The following SPTB variants were observed in gnomAD, a reference collection of about 807,000 sequenced individuals.
The protein encoded by SPTB is spectrin beta chain, erythrocytic.
SPTB carries 45 observed loss-of-function variants against 256.2 expected under a neutral mutation model. That is an observed-to-expected ratio of 0.18 (90% CI 0.14 to 0.23). SPTB has a LOEUF of 0.23. Among genes scored for constraint, SPTB ranks in the 10% least tolerant of loss-of-function variants. The probability of loss-of-function intolerance (pLI) is 1.00; values close to 1 mark genes in which losing one functional copy is unlikely to be tolerated. For synonymous variants in SPTB, 1,231 were observed against 1,243.1 expected, an observed-to-expected ratio of 0.99 and a Z score of 0.21; for missense variants, 2,715 against 3,040.4, an observed-to-expected ratio of 0.89 and a Z score of 2.52.
Position 64,847,227 on chromosome 14 carries a change from G to A in SPTB, c.-51-24082C>T, listed in dbSNP as rs531595036. On this transcript the variant is annotated intron_variant, in intron 1 of 35. Transcript: ENST00000644917. The surrounding 1 kb of genome is among the most constrained non-coding windows in gnomAD (Gnocchi z 5.9). The stretch of plus-strand genomic sequence containing the variant: ...GGAAACAGTGACCCCAAAGGCCAGC[G>A]AAGACAGCCCAACTTGGCTGTGGTC... 5.3e-5 allele frequency among the ~76,000 whole-genome samples: 8 copies of A among 152,310 alleles called. No homozygotes were observed. Among genetic ancestry groups the A allele is most frequent in the Admixed American group, 2.6e-4 (4 of 15,304 alleles).
intron 1 of SPTB, among the ~76,000 whole-genome samples, chr14:64,839,157 T>C (rs2083568277): frequency 6.6e-6 from 1 of 152,146 alleles, no homozygotes; most frequent in Admixed American, 6.5e-5. Context: ...TATGCAAATA[T>C]TTATAGTGGC....
At chr14:64,773,840 G>A (rs990946603) in intron 24 of SPTB, among the ~76,000 whole-genome samples, 3 of 152,202 alleles carry the variant, frequency 2.0e-5, no homozygotes, top group Admixed American at 1.3e-4. Context: ...TGGCTCCCAG[G>A]GAAACCTCTG....
Position 64,749,805 on chromosome 14 carries a change from C to T in SPTB, c.6777-109G>A. 1.3e-6 allele frequency: 2 copies of T among 1,506,572 alleles called. No homozygotes were observed. The highest frequency in any genetic ancestry group is 4.8e-5 in the East Asian group (2 of 41,946). 93.3% of individuals were successfully genotyped at this position (1,506,572 alleles called of 1,614,324 possible). A position where few individuals can be genotyped will look rare whatever the true frequency, so the allele number is the denominator to read the frequency against. Reference sequence around the variant, plus strand: ...CTGAGCCGAACATCCAGACCCCTCTCAGGCAGCCCAGCACTTTCTGAGAGG... The same window carrying T: ...CTGAGCCGAACATCCAGACCCCTCTTAGGCAGCCCAGCACTTTCTGAGAGG... On this transcript the variant is annotated intron_variant, in intron 34 of 35. Coordinates refer to ENST00000644917, the MANE Select transcript of SPTB (RefSeq NM_001355436.2). This position sits in a 1 kb window ranked among gnomAD's most constrained non-coding sequence, Gnocchi z 4.7.
rs753002999 is a variant in SPTB at position 64,793,251 on chromosome 14, C to G, written c.2412G>C (p.Gln804His). The G allele has an allele frequency of 5.0e-6, 8 of 1,608,016 alleles. No individual in the cohort carries two copies. The African/African-American group carries it at 1.1e-4, about 21-fold the overall frequency. Residue 804 changes from glutamine to histidine, a missense_variant, in exon 14 of 36, where the codon CAG becomes CAC. This residue lies in a region of SPTB where 2,239 missense variants were observed against 2,384.4 expected (regional missense o/e 0.94). Coordinates refer to ENST00000644917, the MANE Select transcript of SPTB (RefSeq NM_001355436.2). This position sits in a 1 kb window ranked among gnomAD's most constrained non-coding sequence, Gnocchi z 7.0. ...ACTCTTCGGGGAATCCCTGGGCCTG[C>G]TGCTCCAGGTGCTCCATCACCCCAC... ...ESRGVMEHLEQQAQGFPEEFR... is the reference protein window; with the variant it reads ...ESRGVMEHLEHQAQGFPEEFR...
chr14:64,751,927 C>CA (rs374561563), intron 33 of SPTB, among the ~76,000 whole-genome samples: 3,204 of 71,912 alleles, frequency 0.045, 263 homozygotes, highest in East Asian at 0.24. Context: ...ACTAAAAATG[C>CA]AAAAAAAAAA....
chr14:64,750,707 C>G (rs966295878), intron 33 of SPTB, among the ~76,000 whole-genome samples: 1 of 151,122 alleles, frequency 6.6e-6, no homozygotes, highest in Admixed American at 6.6e-5. Flanking sequence ...ACCCGGGAGG[C>G]GAAGCTTGTA....
chr14:64,829,955 G>C (rs1414330223), intron 1 of SPTB, among the ~76,000 whole-genome samples: 1 of 151,942 alleles, frequency 6.6e-6, no homozygotes, highest in African/African-American at 2.4e-5. Flanking sequence ...CATGCCCTCT[G>C]CCCCAGACAC....
chr14:64,836,977 G>T (rs2083533411), intron 1 of SPTB, among the ~76,000 whole-genome samples: 1 of 152,216 alleles, frequency 6.6e-6, no homozygotes, highest in South Asian at 2.1e-4. Flanking sequence ...GGTCAGACAG[G>T]CTATTCAGCA....
chr14:64,768,519 C>T (rs1404833984), intron 29 of SPTB, among the ~76,000 whole-genome samples: 1 of 152,100 alleles, frequency 6.6e-6, no homozygotes. Flanking sequence ...TCTTGGCTCA[C>T]AGCTCCTCCC....
At position 64,772,412 on chromosome 14, in the gene SPTB, A is replaced by G. The variant is rs2082290319; in HGVS notation, c.5553+168T>C. On this transcript the variant is annotated intron_variant, in intron 26 of 35. Coordinates refer to ENST00000644917, the MANE Select transcript of SPTB (RefSeq NM_001355436.2). This position sits in a 1 kb window ranked among gnomAD's most constrained non-coding sequence, Gnocchi z 5.4. ...AGTTTAAAGAATGACTTCTGAAGCT[A>G]AGGAACATCTGAAAGCCACTGCTCC... Among the ~76,000 whole-genome samples, 1 of 152,216 alleles carries G rather than the reference A, an allele frequency of 6.6e-6. No homozygotes were observed. Among genetic ancestry groups the G allele is most frequent in the South Asian group, 2.1e-4 (1 of 4,826 alleles).
In SPTB at chr14:64,758,857, G is replaced by C. The variant is rs1049360667; in HGVS notation, c.6346-5064C>G. 4.6e-5 allele frequency among the ~76,000 whole-genome samples: 7 copies of C among 151,766 alleles called. No individual in the cohort carries two copies. The highest frequency in any genetic ancestry group is 1.7e-4 in the African/African-American group (7 of 41,270). ...GTGTATGTGTATGTAAAGATCTTTT[G>C]CAATTCATAAGAGATAAGGAATTTC... On this transcript the variant is annotated intron_variant, in intron 32 of 35. Coordinates refer to ENST00000644917, the MANE Select transcript of SPTB (RefSeq NM_001355436.2). The surrounding 1 kb of genome is among the most constrained non-coding windows in gnomAD (Gnocchi z 4.6).
chr14:64,789,364 A>G (rs546561553), intron 15 of SPTB, among the ~76,000 whole-genome samples: 3 of 152,300 alleles, frequency 2.0e-5, no homozygotes, highest in Non-Finnish European at 2.9e-5. Context: ...TAAAAAATTA[A>G]TTAATTAATT....
At position 64,801,446 on chromosome 14, in the gene SPTB, C is replaced by G; in HGVS notation, c.648-46G>C. On this transcript the variant is annotated intron_variant, in intron 6 of 35. Transcript: ENST00000644917. ...TGAAAAGGGAGTAGCCACAGCATCCCCACCAGGAGGGCAGCCCTAGCATGA... is the reference window on the plus strand; with the variant it reads ...TGAAAAGGGAGTAGCCACAGCATCCGCACCAGGAGGGCAGCCCTAGCATGA... 4 of 1,425,016 alleles carry G rather than the reference C, an allele frequency of 2.8e-6. No homozygotes were observed. In the South Asian group the frequency reaches 3.4e-5, roughly 12 times the overall value. 88.3% of individuals were successfully genotyped at this position (1,425,016 alleles called of 1,614,324 possible).
In SPTB at chr14:64,785,538, T is replaced by G. The variant is rs745845637; in HGVS notation, c.3854A>C (p.Glu1285Ala). ...ELQNFLQNCQ[E>A]LTLWINDKLL... ...AGCCACTCCTTGCTGGAGCCTCACC[T>G]CCTGGCAGTTCTGGAGGAAGTTCTG... is the stretch of plus-strand genomic sequence containing the variant. Residue 1285 changes from glutamate (E) to alanine (A), a missense_variant and splice_region_variant, in exon 18 of 36, where the codon GAG becomes GCG. Physicochemically the swap from Glu to Ala is moderately radical, Grantham distance 107. Around this residue, in one of 4 missense-constraint regions of SPTB, gnomAD observed 2,239 missense variants for 2,384.4 expected, o/e 0.94. Transcript: ENST00000644917. This position sits in a 1 kb window ranked among gnomAD's most constrained non-coding sequence, Gnocchi z 4.4. 8 of 1,612,326 alleles carry G rather than the reference T, an allele frequency of 5.0e-6. No individual in the cohort carries two copies. The South Asian group carries it at 8.8e-5, about 18-fold the overall frequency.
Position 64,778,340 on chromosome 14 carries a change from C to T in SPTB, c.4563+817G>A, listed in dbSNP as rs876342. On this transcript the variant is annotated intron_variant, in intron 22 of 35. Transcript: ENST00000644917. This position sits in a 1 kb window ranked among gnomAD's most constrained non-coding sequence, Gnocchi z 5.2. ...TTCCTCAAGGAGCTGCAATACTAAC[C>T]GGGCACTCTGGGACATGTCACTTTT... Among the ~76,000 whole-genome samples, 539 of 152,280 alleles carry T rather than the reference C, an allele frequency of 3.5e-3. 2 individuals carry two copies. Among genetic ancestry groups the T allele is most frequent in the African/African-American group, 0.011 (452 of 41,556 alleles).
In SPTB at chr14:64,850,864, C is replaced by T. The variant is rs78125559; in HGVS notation, c.-51-27719G>A. Among the ~76,000 whole-genome samples the T allele has an allele frequency of 3.7e-3, 567 of 152,312 alleles. 3 individuals are homozygous for T. The highest frequency in any genetic ancestry group is 0.012 in the African/African-American group (509 of 41,570). ...GTGACAGCCAGAGTTTGATGTACTC[C>T]CATTCTCATTCAACAGGGTGACAAC... On this transcript the variant is annotated intron_variant, in intron 1 of 35. Coordinates refer to ENST00000644917, the MANE Select transcript of SPTB (RefSeq NM_001355436.2).
At chr14:64,821,953 T>G (rs1458234530) in intron 2 of SPTB, among the ~76,000 whole-genome samples, 2 of 151,336 alleles carry the variant, frequency 1.3e-5, no homozygotes, top group Admixed American at 1.3e-4. Context: ...AGGGAGGGAG[T>G]GGGGAAGAGG....
At position 64,782,370 on chromosome 14, in the gene SPTB, T is replaced by C; in HGVS notation, c.4186A>G (p.Ser1396Gly). 11 of 1,614,192 alleles carry C rather than the reference T, an allele frequency of 6.8e-6. No homozygotes were observed. The highest frequency in any genetic ancestry group is 9.3e-6 in the Non-Finnish European group (11 of 1,180,036). The part of the protein sequence containing the change: ...QTHADLNKWI[S>G]AMEDQLRSDD... ...GACCGCAGCTGGTCCTCCATGGCGCTGATCCACTTGTTGAGGTCAGCATGG... is the reference window on the plus strand; with the variant it reads ...GACCGCAGCTGGTCCTCCATGGCGCCGATCCACTTGTTGAGGTCAGCATGG... The change falls in exon 20 of 36, where the codon AGC (serine) becomes GGC (glycine). Residue 1396 changes from serine to glycine, a missense_variant. Ser to Gly is a moderately conservative substitution (Grantham distance 56, BLOSUM62 0). Around this residue, in one of 4 missense-constraint regions of SPTB, gnomAD observed 2,239 missense variants for 2,384.4 expected, o/e 0.94. Coordinates refer to ENST00000644917, the MANE Select transcript of SPTB (RefSeq NM_001355436.2).
Position 64,778,450 on chromosome 14 carries a change from G to A in SPTB, c.4563+707C>T, listed in dbSNP as rs2139527146. On this transcript the variant is annotated intron_variant, in intron 22 of 35. Coordinates refer to ENST00000644917, the MANE Select transcript of SPTB (RefSeq NM_001355436.2). This position sits in a 1 kb window ranked among gnomAD's most constrained non-coding sequence, Gnocchi z 5.2. ...TCTCTCTGTCCAAGAAGGGTCTGTGGCCATTCCCCTGGCCGCTGCGACCCC... is the reference window on the plus strand; with the variant it reads ...TCTCTCTGTCCAAGAAGGGTCTGTGACCATTCCCCTGGCCGCTGCGACCCC... Among the ~76,000 whole-genome samples, 1 of 152,212 alleles carries A rather than the reference G, an allele frequency of 6.6e-6. No homozygotes were observed. Among genetic ancestry groups the A allele is most frequent in the South Asian group, 2.1e-4 (1 of 4,818 alleles).
Sources: allele counts gnomAD v4.1 joint callset (sites outside exome capture counted in the v4.1 genomes callset), GRCh38; gene constraint gnomAD v4.1.1; regional missense constraint gnomAD v4.1.1; non-coding constraint Gnocchi (gnomAD v3.1); transcripts MANE v1.5; gene names NCBI Gene and HGNC (gene_info 2026-07-23, HGNC 2026-07-21).